Variants in ZBTB10 observed in about 807,000 individuals in gnomAD.
The protein encoded by ZBTB10 is zinc finger and BTB domain-containing protein 10.
In ZBTB10, 32 loss-of-function variants were observed where a neutral mutation model predicts 76.4. The ratio of observed to expected loss-of-function variants is 0.42; its 90% CI spans 0.32 to 0.56. The LOEUF (loss-of-function observed/expected upper bound fraction) is 0.56, where lower values mean the gene tolerates loss of function less well. Ranked by LOEUF, ZBTB10 falls within the 20% of genes least tolerant of loss-of-function variation. The pLI is 0.14. For synonymous variants in ZBTB10, 523 were observed against 432.9 expected (o/e 1.21, Z -2.58); for missense variants, 1,057 against 1,098.5 (o/e 0.96, Z 0.53).
rs1815463924 is a variant in ZBTB10, at chr8:80,486,631, A to G, written c.-180A>G. The stretch of plus-strand genomic sequence containing the variant: ...AGCGGCAGCGGCAGCGGACGCGTGC[A>G]GCAGACCCGGGAGCGAGCGCGAGCC... On this transcript the variant is annotated 5_prime_UTR_variant, in exon 1 of 6. Transcript: ENST00000455036. 1.0e-6 allele frequency: 1 copy of G among 987,386 alleles called. No individual in the cohort carries two copies. 61.2% of individuals were successfully genotyped at this position (987,386 alleles called of 1,614,324 possible).
intron 2 of ZBTB10, among the ~76,000 whole-genome samples, chr8:80,512,946 G>T (rs1816232591): frequency 6.6e-6 from 1 of 151,962 alleles, no homozygotes; most frequent in South Asian, 2.1e-4. Flanking sequence ...GAATGAAAGT[G>T]ATGTCCATTT....
chr8:80,511,937 A>G (rs1685553324), intron 2 of ZBTB10, among the ~76,000 whole-genome samples: 1 of 152,150 alleles, frequency 6.6e-6, no homozygotes. Context: ...CCTTTTATTT[A>G]TCATGCATTA....
chr8:80,486,770 G>T lies in ZBTB10; in HGVS notation c.-41G>T. The stretch of plus-strand genomic sequence containing the variant: ...CGCGGGACGCGGCCCGAGGCCGTGC[G>T]CGAGCCGGGGCACCGGGCGGCGGCG... On this transcript the variant is annotated 5_prime_UTR_variant, in exon 1 of 6. Transcript: ENST00000455036. 7.5e-7 allele frequency: 1 copy of T among 1,332,604 alleles called. No homozygotes were observed. The highest frequency in any genetic ancestry group is 9.6e-7 in the Non-Finnish European group (1 of 1,044,752). The allele number at this position is 1,332,604 out of a possible 1,614,324, so 82.5% of individuals were successfully genotyped here.
intron 1 of ZBTB10, among the ~76,000 whole-genome samples, chr8:80,496,024 G>A (rs755050240): frequency 2.2e-4 from 34 of 152,204 alleles, no homozygotes; most frequent in South Asian, 4.1e-4. Flanking sequence ...GGTTAGAAAA[G>A]GTCACTACAT....
In ZBTB10 at chr8:80,487,070, C is replaced by A. The variant is rs1815487712; in HGVS notation, c.260C>A (p.Ala87Asp). 1 of 1,515,908 alleles carries A rather than the reference C, an allele frequency of 6.6e-7. No homozygotes were observed. The highest frequency in any genetic ancestry group is 8.8e-7 in the Non-Finnish European group (1 of 1,138,818). 93.9% of individuals were successfully genotyped at this position (1,515,908 alleles called of 1,614,324 possible). A position where few individuals can be genotyped will look rare whatever the true frequency, so the allele number is the denominator to read the frequency against. ...LEASAGPAAG[A>D]AEEAKELLLP... ...GCCTCCGCCGGGCCGGCCGCCGGCG[C>A]CGCCGAGGAAGCCAAGGAGTTGCTG... The change falls in exon 1 of 6, where the codon GCC (alanine) becomes GAC (aspartate). Residue 87 changes from alanine (A) to aspartate (D), a missense_variant. Physicochemically the swap from Ala to Asp is moderately radical, Grantham distance 126 (BLOSUM62 -2). This residue lies in a region of ZBTB10 where 556 missense variants were observed against 451.7 expected (regional missense o/e 1.23). Coordinates refer to ENST00000455036, the MANE Select transcript of ZBTB10 (RefSeq NM_001105539.3).
At chr8:80,505,570 G>C (rs1816029051) in intron 2 of ZBTB10, among the ~76,000 whole-genome samples, 1 of 152,076 alleles carries the variant, frequency 6.6e-6, no homozygotes, top group South Asian at 2.1e-4. Context: ...TAGTTTTGCA[G>C]CATTTTTAGG....
rs753883974 is a variant in ZBTB10 at position 80,487,700 on chromosome 8, G to A, written c.890G>A (p.Arg297Gln). ...CCAGTGGGGCATGATGAGCTTTCGC[G>A]AGGGACCCGCAACTACAAGAAAACC... ...LPPVGHDELS[R>Q]GTRNYKKTLL... is the part of the protein sequence containing the mutation. The change falls in exon 1 of 6, where the codon CGA becomes CAA. Residue 297 changes from arginine to glutamine, a missense_variant. Transcript: ENST00000455036. 1 of 1,613,906 alleles carries A rather than the reference G, an allele frequency of 6.2e-7. No individual in the cohort carries two copies.
chr8:80,487,234 C>G lies in ZBTB10; in HGVS notation c.424C>G (p.Arg142Gly). 4 of 1,547,730 alleles carry G rather than the reference C, an allele frequency of 2.6e-6. No homozygotes were observed. The highest frequency in any genetic ancestry group is 3.5e-6 in the Non-Finnish European group (4 of 1,148,692). The change falls in exon 1 of 6, where the codon CGC becomes GGC. Residue 142 changes from arginine (R) to glycine (G), a missense_variant. Arg to Gly is a moderately radical substitution (Grantham distance 125). Around this residue, in one of 5 missense-constraint regions of ZBTB10, gnomAD observed 556 missense variants for 451.7 expected, o/e 1.23. Coordinates refer to ENST00000455036, the MANE Select transcript of ZBTB10 (RefSeq NM_001105539.3). ...CGGCAACAATGGCAGTAGCCGCGGC[C>G]GCCCCGAGACCTCGGTGTGGCCCTT... ...GLGNNGSSRG[R>G]PETSVWPLRH...
intron 2 of ZBTB10, among the ~76,000 whole-genome samples, chr8:80,504,474 C>T (rs1350842843): frequency 1.3e-5 from 2 of 152,120 alleles, no homozygotes; most frequent in African/African-American, 4.8e-5. Flanking sequence ...AAGGTGTACC[C>T]ATAGCTGCAG....
At position 80,522,166 on chromosome 8, in the gene ZBTB10, A is replaced by G. The variant is rs927563612; in HGVS notation, c.*2638A>G. The G allele has an allele frequency of 6.6e-6, 1 of 151,812 alleles. No individual in the cohort carries two copies. 9.4% of individuals were successfully genotyped at this position (151,812 alleles called of 1,614,324 possible). On this transcript the variant is annotated 3_prime_UTR_variant, in exon 6 of 6. Transcript: ENST00000455036. ...TTAGTACTAAGGTATACTACTGGAC[A>G]TTTCTATTTTTTTAAGTGTATTCTT... is the stretch of plus-strand genomic sequence containing the variant.
intron 1 of ZBTB10, among the ~76,000 whole-genome samples, chr8:80,495,156 G>C (rs1020822161): frequency 6.7e-6 from 1 of 149,278 alleles, no homozygotes; most frequent in African/African-American, 2.5e-5. Flanking sequence ...TTTTTAAGGA[G>C]ATAGGGTTTC....
rs1217191258 is a variant in ZBTB10 at position 80,487,153 on chromosome 8, C to G, written c.343C>G (p.Leu115Val). Residue 115 changes from leucine (L) to valine (V), a missense_variant, in exon 1 of 6, where the codon CTA becomes GTA. Physicochemically the swap from Leu to Val is conservative, Grantham distance 32. This residue lies in a region of ZBTB10 where 556 missense variants were observed against 451.7 expected (regional missense o/e 1.23). Transcript: ENST00000455036. ...TGGCGGTGGCGCGGGGGGCCCCCTG[C>G]TAGCGGAAAGGAACCGTCGGACTCT... ...SLGGGAGGPL[L>V]AERNRRTLAF... 2.3e-5 allele frequency: 35 copies of G among 1,516,176 alleles called. No homozygotes were observed. Among genetic ancestry groups the G allele is most frequent in the Non-Finnish European group, 2.8e-5 (32 of 1,134,702 alleles). The allele number at this position is 1,516,176 out of a possible 1,614,324, so 93.9% of individuals were successfully genotyped here. A position where few individuals can be genotyped will look rare whatever the true frequency, so the allele number is the denominator to read the frequency against.
chr8:80,494,974 T>C (rs1815744030), intron 1 of ZBTB10, among the ~76,000 whole-genome samples: 1 of 151,572 alleles, frequency 6.6e-6, no homozygotes, highest in Non-Finnish European at 1.5e-5. Flanking sequence ...TCACAGTATC[T>C]GCAGTCTTCA....
intron 1 of ZBTB10, among the ~76,000 whole-genome samples, chr8:80,495,518 A>G (rs2131482489): frequency 6.6e-6 from 1 of 151,880 alleles, no homozygotes; most frequent in South Asian, 2.1e-4. Context: ...TCTTCGAAAA[A>G]GCATCCCCAC....
intron 1 of ZBTB10, 79 bp downstream of exon 1, chr8:80,487,861 C>T (rs544590419): frequency 5.5e-6 from 8 of 1,454,396 alleles, no homozygotes; most frequent in African/African-American, 2.8e-5. Flanking sequence ...CCCACCCACC[C>T]CCGAAAAAAA....
At chr8:80,517,115 GTC>G (rs1563467382) in intron 3 of ZBTB10, among the ~76,000 whole-genome samples, 1 of 152,182 alleles carries the variant, frequency 6.6e-6, no homozygotes, top group Non-Finnish European at 1.5e-5. Context: ...GATATTGAAA[GTC>G]TCTAGCTTTT....
intron 3 of ZBTB10, 122 bp downstream of exon 3, chr8:80,514,130 T>A: frequency 1.3e-6 from 1 of 777,710 alleles, no homozygotes; most frequent in South Asian, 1.8e-5. Context: ...ACTTTCAATC[T>A]ATGGTAGCTA....
chr8:80,502,860 A>G (rs1815959700), intron 2 of ZBTB10, among the ~76,000 whole-genome samples: 1 of 152,224 alleles, frequency 6.6e-6, no homozygotes, highest in Non-Finnish European at 1.5e-5. Flanking sequence ...TGTTCCAGTA[A>G]AACTTGCCAA....
chr8:80,487,041 G>A lies in ZBTB10; in HGVS notation c.231G>A (p.Leu77=). 1 of 1,519,784 alleles carries A rather than the reference G, an allele frequency of 6.6e-7. No individual in the cohort carries two copies. 94.1% of individuals were successfully genotyped at this position (1,519,784 alleles called of 1,614,324 possible). A position where few individuals can be genotyped will look rare whatever the true frequency, so the allele number is the denominator to read the frequency against. Residue 77 remains leucine (L), a synonymous_variant, in exon 1 of 6, where the codon CTG becomes CTA. Transcript: ENST00000455036. ...TGGAGGGCCTGGAGCCCCAAGACCT[G>A]GAGGCCTCCGCCGGGCCGGCCGCCG... ...VELEGLEPQD[L]EASAGPAAGA...
Sources: gnomAD v4.1 joint callset for allele counts (sites outside exome capture counted in the v4.1 genomes callset) on GRCh38, gnomAD v4.1.1 for gene constraint, gnomAD v4.1.1 regional missense constraint, MANE v1.5 for transcripts, NCBI Gene and HGNC (gene_info 2026-07-23, HGNC 2026-07-21) for gene names.